Variants in ITPR2 observed in about 807,000 individuals in gnomAD.
The protein encoded by ITPR2 is inositol 1,4,5-trisphosphate receptor type 2.
In ITPR2, 207 loss-of-function variants were observed where a neutral mutation model predicts 317.1. The ratio of observed to expected loss-of-function variants is 0.65; its 90% CI spans 0.58 to 0.73. The LOEUF is 0.73. ITPR2 is among the 30% of genes least tolerant of loss of function. The pLI, the probability that ITPR2 is intolerant of heterozygous loss-of-function variation, is 0.00. For missense variants in ITPR2, 2,613 were observed against 3,284.0 expected (o/e 0.80, Z 4.99); for synonymous variants, 1,156 against 1,149.1 (o/e 1.01, Z -0.12).
At chr12:26,573,510 C>A (rs1489655236) in intron 34 of ITPR2, among the ~76,000 whole-genome samples, 1 of 151,932 alleles carries the variant, frequency 6.6e-6, no homozygotes, top group Non-Finnish European at 1.5e-5. Context: ...AAGCTGCTTT[C>A]AAATAGTGAC....
chr12:26,674,397 C>T (rs1202093544), intron 13 of ITPR2, among the ~76,000 whole-genome samples: 1 of 152,182 alleles, frequency 6.6e-6, no homozygotes, highest in Non-Finnish European at 1.5e-5. Context: ...CACCGCATAT[C>T]TACAACTATC....
intron 5 of ITPR2, among the ~76,000 whole-genome samples, chr12:26,718,973 T>C (rs80302933): frequency 0.028 from 4,281 of 152,198 alleles, 216 homozygotes; most frequent in African/African-American, 0.098. Context: ...GTGAAACAGC[T>C]TCCAGTGGTT....
chr12:26,700,140 A>G lies in ITPR2; in HGVS notation c.952-4490T>C, dbSNP rs548060147. Among the ~76,000 whole-genome samples, 24 of 152,358 alleles carry G rather than the reference A, an allele frequency of 1.6e-4. No homozygotes were observed. The South Asian group carries it at 5.0e-3, about 32-fold the overall frequency. ...AATACAAAATAAAATGTGACAAGGGACATAAGACAGGAATGAATAATTTAT... is the reference window on the plus strand; with the variant it reads ...AATACAAAATAAAATGTGACAAGGGGCATAAGACAGGAATGAATAATTTAT... On this transcript the variant is annotated intron_variant, in intron 9 of 56. Coordinates refer to ENST00000381340, the MANE Select transcript of ITPR2 (RefSeq NM_002223.4).
At chr12:26,420,204 T>G (rs1940847731) in intron 49 of ITPR2, among the ~76,000 whole-genome samples, 1 of 152,158 alleles carries the variant, frequency 6.6e-6, no homozygotes, top group African/African-American at 2.4e-5. Context: ...GCCAATTTTG[T>G]GTCTTAGTCA....
At chr12:26,795,215 T>C (rs1950412265) in intron 1 of ITPR2, among the ~76,000 whole-genome samples, 1 of 152,236 alleles carries the variant, frequency 6.6e-6, no homozygotes, top group South Asian at 2.1e-4. Context: ...TTAGGATAAT[T>C]AGTTGTCTAT....
chr12:26,513,076 C>T (rs925275654), intron 37 of ITPR2, among the ~76,000 whole-genome samples: 15 of 152,084 alleles, frequency 9.9e-5, no homozygotes, highest in Middle Eastern at 3.4e-3. Flanking sequence ...CTCCTGACCT[C>T]GTGATCCACC....
chr12:26,682,450 A>T (rs775027535), intron 12 of ITPR2, 124 bp downstream of exon 12: 124 of 651,242 alleles, frequency 1.9e-4, no homozygotes, highest in East Asian at 1.4e-4. Flanking sequence ...GATGAAATTA[A>T]TTGCAATGAT....
In ITPR2 at chr12:26,603,382, T is replaced by TGG. The variant is rs936684006; in HGVS notation, c.3463-678_3463-677dup. On this transcript the variant is annotated intron_variant, in intron 26 of 56. Coordinates refer to ENST00000381340, the MANE Select transcript of ITPR2 (RefSeq NM_002223.4). ...ACTATTATCTGTAGTATCACAAATA[T>TGG]GGGGAGTGGACATATTTGAAACATC... Among the ~76,000 whole-genome samples, 142 of 152,234 alleles carry TGG rather than the reference T, an allele frequency of 9.3e-4. 1 individual carries two copies. Among genetic ancestry groups the TGG allele is most frequent in the African/African-American group, 3.4e-3 (140 of 41,562 alleles).
chr12:26,474,191 C>A (rs1220875784), intron 45 of ITPR2, among the ~76,000 whole-genome samples: 3 of 152,118 alleles, frequency 2.0e-5, no homozygotes, highest in African/African-American at 7.2e-5. Context: ...GACTTTATAT[C>A]TATCAATGTT....
chr12:26,622,144 C>G, intron 25 of ITPR2, 96 bp downstream of exon 25: 2 of 1,062,960 alleles, frequency 1.9e-6, no homozygotes, highest in Non-Finnish European at 2.6e-6. Context: ...AAAAGCCACA[C>G]AGTGTCATTA....
chr12:26,725,272 C>T (rs1948901319), intron 3 of ITPR2, among the ~76,000 whole-genome samples: 2 of 152,168 alleles, frequency 1.3e-5, no homozygotes, highest in South Asian at 2.1e-4. Flanking sequence ...TACACTCAGA[C>T]AAACCATAAA....
intron 41 of ITPR2, 99 bp downstream of exon 41, chr12:26,486,005 C>A: frequency 7.6e-7 from 1 of 1,313,200 alleles, no homozygotes; most frequent in Non-Finnish European, 1.1e-6. Context: ...GATTATCTTT[C>A]TAAAATGCTC....
At chr12:26,526,802 A>C (rs902745671) in intron 37 of ITPR2, among the ~76,000 whole-genome samples, 1 of 152,172 alleles carries the variant, frequency 6.6e-6, no homozygotes, top group Non-Finnish European at 1.5e-5. Context: ...TATAGGTAAA[A>C]TCAACAAGAC....
chr12:26,379,731 T>C (rs1263873633), intron 55 of ITPR2, among the ~76,000 whole-genome samples: 1 of 152,184 alleles, frequency 6.6e-6, no homozygotes, highest in Non-Finnish European at 1.5e-5. Flanking sequence ...CTCACTTCAG[T>C]TGGCTTCTAT....
At chr12:26,652,330 G>A (rs1947276229) in intron 21 of ITPR2, among the ~76,000 whole-genome samples, 1 of 152,184 alleles carries the variant, frequency 6.6e-6, no homozygotes, top group African/African-American at 2.4e-5. Context: ...GCTTCTTATT[G>A]ATTTGTACAG....
intron 37 of ITPR2, among the ~76,000 whole-genome samples, chr12:26,511,765 G>A (rs529299773): frequency 1.3e-5 from 2 of 152,306 alleles, no homozygotes; most frequent in African/African-American, 2.4e-5. Context: ...GTGGGACCAC[G>A]TTTGGGACAT....
intron 50 of ITPR2, among the ~76,000 whole-genome samples, 156 bp downstream of exon 50, chr12:26,418,893 T>C (rs1455647288): frequency 2.0e-5 from 3 of 151,988 alleles, no homozygotes; most frequent in Non-Finnish European, 4.4e-5. Flanking sequence ...TTACAAATGA[T>C]AATAATTCAC....
chr12:26,783,966 G>A (rs1234352644), intron 2 of ITPR2, among the ~76,000 whole-genome samples: 1 of 152,034 alleles, frequency 6.6e-6, no homozygotes, highest in Non-Finnish European at 1.5e-5. Context: ...ATCATGGATG[G>A]GTTCAGGAAC....
intron 13 of ITPR2, among the ~76,000 whole-genome samples, chr12:26,680,532 C>T (rs1017929375): frequency 6.6e-6 from 1 of 152,062 alleles, no homozygotes; most frequent in Non-Finnish European, 1.5e-5. Context: ...TAAATTAAAA[C>T]TTGGTGCTCT....
Sources: allele counts gnomAD v4.1 joint callset (sites outside exome capture counted in the v4.1 genomes callset), GRCh38; gene constraint gnomAD v4.1.1; transcripts MANE v1.5; gene names NCBI Gene and HGNC (gene_info 2026-07-23, HGNC 2026-07-21).